The following MRGPRE variants were observed in gnomAD, a reference collection of about 807,000 sequenced individuals.
The protein encoded by MRGPRE is mas-related G protein-coupled receptor member E.
For synonymous variants in MRGPRE, 229 were observed against 206.7 expected (o/e 1.11, Z -0.92); for missense variants, 466 against 433.4 (o/e 1.08, Z -0.67).
chr11:3,225,308 G>A lies in MRGPRE; in HGVS notation c.*2553C>T, dbSNP rs1011708165. 2.6e-5 allele frequency among the ~76,000 whole-genome samples: 4 copies of A among 152,252 alleles called. No individual in the cohort carries two copies. The highest frequency in any genetic ancestry group is 7.2e-5 in the African/African-American group (3 of 41,472). ...ATGTTGGCTGCCCCCAGGAGTAGCC[G>A]CCTGTTCTTGGGAATTCTGTGCTGA... On this transcript the variant is annotated 3_prime_UTR_variant, in exon 2 of 2. Transcript: ENST00000389832.
At position 3,227,766 on chromosome 11, in the gene MRGPRE, C is replaced by T. The variant is rs1847778484; in HGVS notation, c.*95G>A. 1 of 1,039,362 alleles carries T rather than the reference C, an allele frequency of 9.6e-7. No homozygotes were observed. Among genetic ancestry groups the T allele is most frequent in the Admixed American group, 3.0e-5 (1 of 33,264 alleles). 64.4% of individuals were successfully genotyped at this position (1,039,362 alleles called of 1,614,324 possible). A position where few individuals can be genotyped will look rare whatever the true frequency, so the allele number is the denominator to read the frequency against. On this transcript the variant is annotated 3_prime_UTR_variant, in exon 2 of 2. Transcript: ENST00000389832. The stretch of plus-strand genomic sequence containing the variant: ...CCGGGTCACCCACCAAGGCCTCCTC[C>T]AGGTCCGGCTGGCCCCAGCCTCTGA...
In MRGPRE at chr11:3,227,827, CG is replaced by C. The variant is rs895539348; in HGVS notation, c.*33del. The C allele has an allele frequency of 2.8e-6, 4 of 1,421,152 alleles. No individual in the cohort carries two copies. The African/African-American group carries it at 4.3e-5, about 15-fold the overall frequency. 88.0% of individuals were successfully genotyped at this position (1,421,152 alleles called of 1,614,324 possible). A position where few individuals can be genotyped will look rare whatever the true frequency, so the allele number is the denominator to read the frequency against. On this transcript the variant is annotated 3_prime_UTR_variant, in exon 2 of 2. Coordinates refer to ENST00000389832, the MANE Select transcript of MRGPRE (RefSeq NM_001039165.4). ...TTCCCCAAGTCACCCTCTTGCCTCACGGGGGCTGCAGCTGGGGTCGGGGGCC... is the reference window on the plus strand; with the variant it reads ...TTCCCCAAGTCACCCTCTTGCCTCACGGGGCTGCAGCTGGGGTCGGGGGCC...
chr11:3,228,223 A>C lies in MRGPRE; in HGVS notation c.577T>G (p.Cys193Gly). 2.6e-6 allele frequency: 4 copies of C among 1,555,022 alleles called. No homozygotes were observed. The highest frequency in any genetic ancestry group is 3.5e-6 in the Non-Finnish European group (4 of 1,150,328). Residue 193 changes from cysteine to glycine, a missense_variant, in exon 2 of 2, where the codon TGT (cysteine) becomes GGT (glycine). Coordinates refer to ENST00000389832, the MANE Select transcript of MRGPRE (RefSeq NM_001039165.4). ...AGCAGCAGCATAAGGCTGGCCCCACACATGGTGCAACACAGCAGAGCCAGC... is the reference window on the plus strand; with the variant it reads ...AGCAGCAGCATAAGGCTGGCCCCACCCATGGTGCAACACAGCAGAGCCAGC... ...VLLALLCCTM[C>G]GASLMLLLRV...
Position 3,230,335 on chromosome 11 carries a change from G to T in MRGPRE, c.-61-1475C>A, listed in dbSNP as rs1051820262. ...GGCTGGGGTTTGGGGTGAGGAGGGT[G>T]GGGGTACAAGCAGAAACCCCCATAG... On this transcript the variant is annotated intron_variant, in intron 1 of 1. Transcript: ENST00000389832. This position sits in a 1 kb window ranked among gnomAD's most constrained non-coding sequence, Gnocchi z 5.5. Among the ~76,000 whole-genome samples the T allele has an allele frequency of 2.0e-5, 3 of 152,156 alleles. No homozygotes were observed. Among genetic ancestry groups the T allele is most frequent in the South Asian group, 2.1e-4 (1 of 4,826 alleles).
chr11:3,229,312 G>A lies in MRGPRE; in HGVS notation c.-61-452C>T, dbSNP rs1255400023. On this transcript the variant is annotated intron_variant, in intron 1 of 1. Transcript: ENST00000389832. This position sits in a 1 kb window ranked among gnomAD's most constrained non-coding sequence, Gnocchi z 4.4. ...ACCATCTCGGCTCACTGCAACCTCT[G>A]CCTCCCGGGTTCAAGTGATTCTCCT... Among the ~76,000 whole-genome samples the A allele has an allele frequency of 6.9e-6, 1 of 144,682 alleles. No homozygotes were observed. Among genetic ancestry groups the A allele is most frequent in the Non-Finnish European group, 1.5e-5 (1 of 67,318 alleles). 94.9% of individuals were successfully genotyped at this position (144,682 alleles called of 152,430 possible).
Position 3,228,804 on chromosome 11 carries a change from C to T in MRGPRE, c.-5G>A, listed in dbSNP as rs776404194. Reference sequence around the variant, plus strand: ...AGCTTCTCTGGGCTCCATCATGGGGCGGGGGGCCAGGGGATGCTGCAGGAG... The same window carrying T: ...AGCTTCTCTGGGCTCCATCATGGGGTGGGGGGCCAGGGGATGCTGCAGGAG... On this transcript the variant is annotated 5_prime_UTR_variant, in exon 2 of 2. Coordinates refer to ENST00000389832, the MANE Select transcript of MRGPRE (RefSeq NM_001039165.4). 50 of 1,597,778 alleles carry T rather than the reference C, an allele frequency of 3.1e-5. No individual in the cohort carries two copies. Among genetic ancestry groups the T allele is most frequent in the South Asian group, 1.1e-4 (10 of 89,736 alleles).
chr11:3,227,270 G>A lies in MRGPRE; in HGVS notation c.*591C>T, dbSNP rs555880511. 1.5e-4 allele frequency among the ~76,000 whole-genome samples: 23 copies of A among 152,296 alleles called. No homozygotes were observed. The highest frequency in any genetic ancestry group is 6.2e-4 in the South Asian group (3 of 4,828). Reference sequence around the variant, plus strand: ...CTCCGAGTGAGGGTTGCATCGTCCCGGTCTGAGGTGCACGGCCTTGAGCAA... The same window carrying A: ...CTCCGAGTGAGGGTTGCATCGTCCCAGTCTGAGGTGCACGGCCTTGAGCAA... On this transcript the variant is annotated 3_prime_UTR_variant, in exon 2 of 2. Coordinates refer to ENST00000389832, the MANE Select transcript of MRGPRE (RefSeq NM_001039165.4).
In MRGPRE at chr11:3,228,153, G is replaced by A. The variant is rs1403632794; in HGVS notation, c.647C>T (p.Pro216Leu). The stretch of plus-strand genomic sequence containing the variant: ...GAGGACGGTGAGGAGGATGAGCCCA[G>A]GGAAGCCCCGGGGTGGGGGCCGCTG... Reference protein sequence around the residue: ...GPQRPPPRGFPGLILLTVLLF... With the variant: ...GPQRPPPRGFLGLILLTVLLF... The change falls in exon 2 of 2, where the codon CCT becomes CTT. Residue 216 changes from proline (P) to leucine (L), a missense_variant. Coordinates refer to ENST00000389832, the MANE Select transcript of MRGPRE (RefSeq NM_001039165.4). 1 of 1,575,394 alleles carries A rather than the reference G, an allele frequency of 6.3e-7. No homozygotes were observed. Among genetic ancestry groups the A allele is most frequent in the Non-Finnish European group, 8.6e-7 (1 of 1,160,918 alleles).
In MRGPRE at chr11:3,228,363, A is replaced by G; in HGVS notation, c.437T>C (p.Leu146Pro). The G allele has an allele frequency of 1.3e-6, 2 of 1,583,076 alleles. No homozygotes were observed. The highest frequency in any genetic ancestry group is 1.1e-5 in the South Asian group (1 of 88,104). Residue 146 changes from leucine (L) to proline (P), a missense_variant, in exon 2 of 2, where the codon CTC becomes CCC. Leu to Pro is a moderately conservative substitution (Grantham distance 98). Coordinates refer to ENST00000389832, the MANE Select transcript of MRGPRE (RefSeq NM_001039165.4). ...PRHLTTCVCA[L>P]TWALCLLLHL... ...CAGCAGCAGGCAGAGGGCCCAGGTG[A>G]GGGCGCACACACAGGTGGTCAGGTG...
Position 3,227,032 on chromosome 11 carries a change from A to G in MRGPRE, c.*829T>C, listed in dbSNP as rs1847768176. 6.6e-6 allele frequency among the ~76,000 whole-genome samples: 1 copy of G among 152,210 alleles called. No homozygotes were observed. Among genetic ancestry groups the G allele is most frequent in the Middle Eastern group, 3.2e-3 (1 of 316 alleles). On this transcript the variant is annotated 3_prime_UTR_variant, in exon 2 of 2. Coordinates refer to ENST00000389832, the MANE Select transcript of MRGPRE (RefSeq NM_001039165.4). ...GGGGTGAAGCCTGGGTTCCTTCCTCAGAGGGATCCTCTGGAGCGGGACTTG... is the reference window on the plus strand; with the variant it reads ...GGGGTGAAGCCTGGGTTCCTTCCTCGGAGGGATCCTCTGGAGCGGGACTTG...
In MRGPRE at chr11:3,231,697, G is replaced by A. The variant is rs1308623410; in HGVS notation, c.-62+444C>T. On this transcript the variant is annotated intron_variant, in intron 1 of 1. Transcript: ENST00000389832. The surrounding 1 kb of genome is among the most constrained non-coding windows in gnomAD (Gnocchi z 4.7). Reference sequence around the variant, plus strand: ...GAGGCACAGCATTCCCCATCCCTGGGTGGTCCAGGAGTGGCTCTGTGTCCC... The same window carrying A: ...GAGGCACAGCATTCCCCATCCCTGGATGGTCCAGGAGTGGCTCTGTGTCCC... Among the ~76,000 whole-genome samples the A allele has an allele frequency of 6.6e-6, 1 of 151,990 alleles. No individual in the cohort carries two copies. Among genetic ancestry groups the A allele is most frequent in the East Asian group, 1.9e-4 (1 of 5,162 alleles).
chr11:3,231,468 T>C lies in MRGPRE; in HGVS notation c.-62+673A>G, dbSNP rs918893856. Among the ~76,000 whole-genome samples the C allele has an allele frequency of 1.3e-4, 20 of 150,236 alleles. No individual in the cohort carries two copies. Among genetic ancestry groups the C allele is most frequent in the Admixed American group, 1.1e-3 (17 of 15,118 alleles). On this transcript the variant is annotated intron_variant, in intron 1 of 1. Transcript: ENST00000389832. This position sits in a 1 kb window ranked among gnomAD's most constrained non-coding sequence, Gnocchi z 4.7. ...GGCTCGGGAGGGAGGCAGAGCTCTGTAGGAAGGGTCGCCACAGTTGGGTTA... is the reference window on the plus strand; with the variant it reads ...GGCTCGGGAGGGAGGCAGAGCTCTGCAGGAAGGGTCGCCACAGTTGGGTTA...
Position 3,227,947 on chromosome 11 carries a change from CCAGCCGGAGGGG to C in MRGPRE, c.841_852del (p.Pro281_Leu284del). The C allele has an allele frequency of 1.9e-6, 3 of 1,555,040 alleles. No homozygotes were observed. The South Asian group carries it at 3.6e-5, about 18-fold the overall frequency. On this transcript the variant is annotated inframe_deletion, in exon 2 of 2. Transcript: ENST00000389832. ...TCGTCTCCCAGCGCTCGCTGGAGGA[CCAGCCGGAGGGG>C]CAGCCTGCGGCCCTGGGCACTGCCC... is the stretch of plus-strand genomic sequence containing the variant.
chr11:3,228,371 C>T lies in MRGPRE; in HGVS notation c.429G>A (p.Val143=), dbSNP rs771810824. 27 of 1,588,502 alleles carry T rather than the reference C, an allele frequency of 1.7e-5. No individual in the cohort carries two copies. In the Admixed American group the frequency reaches 4.1e-4, roughly 24 times the overall value. Residue 143 remains valine (V), a synonymous_variant, in exon 2 of 2, where the codon GTG becomes GTA. Transcript: ENST00000389832. ...CRRPRHLTTC[V]CALTWALCLL... Reference sequence around the variant, plus strand: ...GGCAGAGGGCCCAGGTGAGGGCGCACACACAGGTGGTCAGGTGGCGTGGGC... The same window carrying T: ...GGCAGAGGGCCCAGGTGAGGGCGCATACACAGGTGGTCAGGTGGCGTGGGC...
Position 3,227,983 on chromosome 11 carries a change from C to G in MRGPRE, c.817G>C (p.Gly273Arg). The part of the protein sequence containing the change: ...AAKPVVYFCL[G>R]SAQGRRLPLR... ...GGCAGCCTGCGGCCCTGGGCACTGC[C>G]CAGGCAGAAGTAGACGACGGGCTTG... The change falls in exon 2 of 2, where the codon GGC becomes CGC. Residue 273 changes from glycine (G) to arginine (R), a missense_variant. By Grantham distance (125) the Gly-to-Arg change is moderately radical. Coordinates refer to ENST00000389832, the MANE Select transcript of MRGPRE (RefSeq NM_001039165.4). The G allele has an allele frequency of 6.3e-7, 1 of 1,596,464 alleles. No individual in the cohort carries two copies. Among genetic ancestry groups the G allele is most frequent in the Non-Finnish European group, 8.5e-7 (1 of 1,170,136 alleles).
At position 3,226,611 on chromosome 11, in the gene MRGPRE, G is replaced by A. The variant is rs539757274; in HGVS notation, c.*1250C>T. On this transcript the variant is annotated 3_prime_UTR_variant, in exon 2 of 2. Coordinates refer to ENST00000389832, the MANE Select transcript of MRGPRE (RefSeq NM_001039165.4). ...GCGACTCACACCCAGACTCAAGAGG[G>A]GCTGGTTCAGTCATGGTCCAGAGGG... Among the ~76,000 whole-genome samples, 85 of 152,318 alleles carry A rather than the reference G, an allele frequency of 5.6e-4. No individual in the cohort carries two copies. The highest frequency in any genetic ancestry group is 2.0e-3 in the African/African-American group (83 of 41,578).
rs764310618 is a variant in MRGPRE, at chr11:3,228,255, G to A, written c.545C>T (p.Ala182Val). Residue 182 changes from alanine (A) to valine (V), a missense_variant, in exon 2 of 2, where the codon GCG becomes GTG. By Grantham distance (64) the Ala-to-Val change is moderately conservative. Coordinates refer to ENST00000389832, the MANE Select transcript of MRGPRE (RefSeq NM_001039165.4). Reference protein sequence around the residue: ...HLCRTLWLVAAVLLALLCCTM... With the variant: ...HLCRTLWLVAVVLLALLCCTM... ...GCAACACAGCAGAGCCAGCAGCACC[G>A]CTGCCACCAGCCACAGCGTCCGGCA... 1.1e-5 allele frequency: 17 copies of A among 1,550,800 alleles called. No homozygotes were observed. Among genetic ancestry groups the A allele is most frequent in the South Asian group, 3.6e-5 (3 of 84,294 alleles).
rs560018311 is a variant in MRGPRE, at chr11:3,226,993, C to T, written c.*868G>A. On this transcript the variant is annotated 3_prime_UTR_variant, in exon 2 of 2. Coordinates refer to ENST00000389832, the MANE Select transcript of MRGPRE (RefSeq NM_001039165.4). ...CCAGGCCTGGCACTCAGCGGAAGCT[C>T]GGAAACCTGTTGAGGGGTGAAGCCT... Among the ~76,000 whole-genome samples, 6 of 152,226 alleles carry T rather than the reference C, an allele frequency of 3.9e-5. No homozygotes were observed. The highest frequency in any genetic ancestry group is 8.8e-5 in the Non-Finnish European group (6 of 68,034).
At position 3,228,734 on chromosome 11, in the gene MRGPRE, G is replaced by A. The variant is rs749612422; in HGVS notation, c.66C>T (p.Ala22=). Reference sequence around the variant, plus strand: ...TGAGGGACAGGATGATGAGGTTGAAGGCCACATCCTCCTGGGCGCCGTTGG... The same window carrying A: ...TGAGGGACAGGATGATGAGGTTGAAAGCCACATCCTCCTGGGCGCCGTTGG... ...GAANGAQEDV[A]FNLIILSLTE... Residue 22 remains alanine (A), a synonymous_variant, in exon 2 of 2, where the codon GCC becomes GCT. Coordinates refer to ENST00000389832, the MANE Select transcript of MRGPRE (RefSeq NM_001039165.4). 7 of 1,613,598 alleles carry A rather than the reference G, an allele frequency of 4.3e-6. No individual in the cohort carries two copies. In the East Asian group the frequency reaches 1.6e-4, roughly 36 times the overall value.
Sources: allele counts gnomAD v4.1 joint callset (sites outside exome capture counted in the v4.1 genomes callset), GRCh38; gene constraint gnomAD v4.1.1; non-coding constraint Gnocchi (gnomAD v3.1); transcripts MANE v1.5; gene names NCBI Gene and HGNC (gene_info 2026-07-23, HGNC 2026-07-21).